Variants in POC5 observed in about 807,000 individuals in gnomAD.
POC5 encodes the protein POC5 centriolar protein, also known as centrosomal protein POC5.
POC5 carries 48 observed loss-of-function variants against 62.9 expected under a neutral mutation model. That is an observed-to-expected ratio of 0.76 (90% CI 0.61 to 0.97). The LOEUF (loss-of-function observed/expected upper bound fraction) is 0.97, where lower values mean the gene tolerates loss of function less well. Among genes scored for constraint, POC5 ranks in the 50% least tolerant of loss-of-function variants. The pLI is 0.00. For missense variants in POC5, 696 were observed against 679.5 expected, an observed-to-expected ratio of 1.02 and a Z score of -0.27; for synonymous variants, 236 against 228.2, an observed-to-expected ratio of 1.03 and a Z score of -0.31.
chr5:75,687,476 TG>T (rs941023749), intron 9 of POC5, among the ~76,000 whole-genome samples: 2 of 152,246 alleles, frequency 1.3e-5, no homozygotes, highest in African/African-American at 4.8e-5. Flanking sequence ...TTTTTGCCTT[TG>T]GTAGCTCTAC....
At chr5:75,685,979 T>G (rs780898362) in intron 9 of POC5, among the ~76,000 whole-genome samples, 2 of 152,238 alleles carry the variant, frequency 1.3e-5, no homozygotes, top group African/African-American at 2.4e-5. Flanking sequence ...ATTTTTGTTC[T>G]TGAGTCGTCA....
At chr5:75,685,185 G>T in intron 10 of POC5, 22 bp downstream of exon 10, 1 of 1,577,984 alleles carries the variant, frequency 6.3e-7, no homozygotes, top group South Asian at 1.1e-5. Flanking sequence ...CATAAGGTGG[G>T]ACCTGTATAA....
chr5:75,698,288 C>T (rs568324649), intron 5 of POC5, among the ~76,000 whole-genome samples: 169 of 150,194 alleles, frequency 1.1e-3, no homozygotes, highest in African/African-American at 3.9e-3. Flanking sequence ...CCACACCACA[C>T]CTATTCCAAA....
At chr5:75,685,707 A>G (rs1776075220) in intron 9 of POC5, among the ~76,000 whole-genome samples, 1 of 152,232 alleles carries the variant, frequency 6.6e-6, no homozygotes, top group Non-Finnish European at 1.5e-5. Context: ...CACATGTGAA[A>G]GCTAATGGAT....
chr5:75,697,499 C>G (rs1313454394), intron 5 of POC5, among the ~76,000 whole-genome samples: 1 of 152,010 alleles, frequency 6.6e-6, no homozygotes, highest in African/African-American at 2.4e-5. Flanking sequence ...TACAGACAAG[C>G]AAAGCTGAGA....
At chr5:75,686,048 G>C (rs1776086345) in intron 9 of POC5, among the ~76,000 whole-genome samples, 1 of 152,134 alleles carries the variant, frequency 6.6e-6, no homozygotes, top group South Asian at 2.1e-4. Flanking sequence ...TAAAAGAAAT[G>C]GGTTCTTGCA....
chr5:75,681,387 C>T (rs1449679930), intron 10 of POC5, among the ~76,000 whole-genome samples: 1 of 152,026 alleles, frequency 6.6e-6, no homozygotes, highest in African/African-American at 2.4e-5. Flanking sequence ...CTTTAAAATT[C>T]AGTGAAAAAT....
chr5:75,684,731 A>C lies in POC5; in HGVS notation c.1407+476T>G, dbSNP rs1297492858. The stretch of plus-strand genomic sequence containing the variant: ...TTATCACTACTATGACAGCACTTTC[A>C]GGTATTTTCATTACAATTTAATGCT... On this transcript the variant is annotated intron_variant, in intron 10 of 11. Transcript: ENST00000428202. 5.3e-5 allele frequency among the ~76,000 whole-genome samples: 8 copies of C among 152,164 alleles called. No homozygotes were observed. The East Asian group carries it at 1.5e-3, about 29-fold the overall frequency.
At chr5:75,691,477 T>C (rs531950162) in intron 7 of POC5, among the ~76,000 whole-genome samples, 21 of 152,292 alleles carry the variant, frequency 1.4e-4, no homozygotes, top group Non-Finnish European at 2.8e-4. Context: ...TTATTAAAAA[T>C]ATTGTATACA....
At chr5:75,691,855 TTAAAA>T (rs1380791518) in intron 7 of POC5, among the ~76,000 whole-genome samples, 7 of 152,166 alleles carry the variant, frequency 4.6e-5, no homozygotes, top group East Asian at 1.9e-4. Flanking sequence ...CAGCTCTTAC[TTAAAA>T]TAAAAGATGT....
chr5:75,678,102 A>T (rs1314683700), intron 10 of POC5, among the ~76,000 whole-genome samples, 152 bp from the exon 11 acceptor site: 3 of 152,216 alleles, frequency 2.0e-5, no homozygotes, highest in African/African-American at 7.2e-5. Flanking sequence ...TCACAAGACG[A>T]AAAGCAAAAC....
At chr5:75,706,788 C>A (rs1777138817) in intron 3 of POC5, among the ~76,000 whole-genome samples, 1 of 152,132 alleles carries the variant, frequency 6.6e-6, no homozygotes, top group Non-Finnish European at 1.5e-5. Flanking sequence ...TGGGCTCAAG[C>A]AATCCTCCTG....
intron 5 of POC5, among the ~76,000 whole-genome samples, chr5:75,700,358 T>C (rs1391584477): frequency 1.3e-4 from 20 of 151,452 alleles, no homozygotes; most frequent in African/African-American, 4.4e-4. Context: ...ATGGTACTGG[T>C]ACCAAAACAG....
In POC5 at chr5:75,707,815, AAGC is replaced by A; in HGVS notation, c.142_144del (p.Ala48del). 2.5e-6 allele frequency: 4 copies of A among 1,586,124 alleles called. No individual in the cohort carries two copies. Among genetic ancestry groups the A allele is most frequent in the Non-Finnish European group, 3.4e-6 (4 of 1,162,602 alleles). On this transcript the variant is annotated inframe_deletion, in exon 3 of 12. Transcript: ENST00000428202. ...TCTCCCTTAGGATGAGATGACTGTG[AAGC>A]ACAGGGTTCAATATTTGGAGTCACT...
intron 10 of POC5, among the ~76,000 whole-genome samples, chr5:75,684,822 C>G (rs1375436616): frequency 6.6e-6 from 1 of 150,564 alleles, no homozygotes; most frequent in Non-Finnish European, 1.5e-5. Flanking sequence ...TTTTTTTTCT[C>G]CATAGGAAAA....
chr5:75,698,096 T>G (rs1225654915), intron 5 of POC5, among the ~76,000 whole-genome samples: 1 of 142,602 alleles, frequency 7.0e-6, no homozygotes, highest in East Asian at 2.0e-4. Context: ...CAAAGAGACT[T>G]AGACTCCCAC....
intron 11 of POC5, among the ~76,000 whole-genome samples, chr5:75,676,040 T>C (rs1455146024): frequency 6.6e-6 from 1 of 152,166 alleles, no homozygotes; most frequent in Non-Finnish European, 1.5e-5. Context: ...GGGTAAGAAA[T>C]GCACATACTG....
chr5:75,692,352 C>T, intron 7 of POC5, 44 bp downstream of exon 7: 2 of 1,377,526 alleles, frequency 1.5e-6, no homozygotes, highest in Non-Finnish European at 2.0e-6. Context: ...CTTCTGAATT[C>T]AGAAGTCTAA....
At chr5:75,716,881 T>C (rs1223469865) in intron 1 of POC5, among the ~76,000 whole-genome samples, 1 of 151,962 alleles carries the variant, frequency 6.6e-6, no homozygotes, top group Non-Finnish European at 1.5e-5. Context: ...CAGGCCTAGC[T>C]GCACTCAAGG....
Sources: allele counts gnomAD v4.1 joint callset (sites outside exome capture counted in the v4.1 genomes callset), GRCh38; gene constraint gnomAD v4.1.1; transcripts MANE v1.5; gene names NCBI Gene and HGNC (gene_info 2026-07-23, HGNC 2026-07-21).